The following MCC variants were observed in gnomAD, a reference collection of about 807,000 sequenced individuals.
MCC encodes the protein MCC regulator of Wnt signaling pathway.
MCC carries 90 observed loss-of-function variants against 116.2 expected under a neutral mutation model. The observed-to-expected ratio is 0.77, with a 90% confidence interval of 0.65 to 0.92. The LOEUF is 0.92. Ranked by LOEUF, MCC falls within the 40% of genes least tolerant of loss-of-function variation. The pLI is 0.00. For missense variants in MCC, 1,516 were observed against 1,312.2 expected (o/e 1.16, Z -2.40); for synonymous variants, 578 against 510.5 (o/e 1.13, Z -1.78).
At chr5:113,109,169 T>C (rs1023310068) in intron 6 of MCC, among the ~76,000 whole-genome samples, 5 of 152,186 alleles carry the variant, frequency 3.3e-5, no homozygotes, top group African/African-American at 7.2e-5. Flanking sequence ...GGTAATTCTA[T>C]GTTTAACAAA....
At chr5:113,203,011 A>G (rs1280756973) in intron 3 of MCC, among the ~76,000 whole-genome samples, 2 of 152,088 alleles carry the variant, frequency 1.3e-5, no homozygotes, top group Non-Finnish European at 2.9e-5. Context: ...TCCCTTTCAG[A>G]ACTTCTGAGC....
At chr5:113,096,369 C>A (rs146115846) in intron 8 of MCC, among the ~76,000 whole-genome samples, 20 of 152,338 alleles carry the variant, frequency 1.3e-4, no homozygotes, top group South Asian at 2.1e-4. Context: ...TTTACTGACT[C>A]TGGCTCATGG....
chr5:113,438,652 T>C (rs895288307), intron 1 of MCC, among the ~76,000 whole-genome samples: 4 of 152,146 alleles, frequency 2.6e-5, no homozygotes, highest in African/African-American at 9.7e-5. Flanking sequence ...CAGTATAATA[T>C]AGATCTATTA....
At chr5:113,147,584 C>G (rs1259648367) in intron 4 of MCC, among the ~76,000 whole-genome samples, 4 of 152,192 alleles carry the variant, frequency 2.6e-5, no homozygotes, top group Non-Finnish European at 5.9e-5. Context: ...TTAAAATATG[C>G]TAACAAGAGA....
intron 3 of MCC, among the ~76,000 whole-genome samples, chr5:113,181,972 G>A (rs1239353003): frequency 6.6e-6 from 1 of 152,064 alleles, no homozygotes; most frequent in Non-Finnish European, 1.5e-5. Context: ...AGCATCACTT[G>A]TTCCTTCCCA....
intron 5 of MCC, among the ~76,000 whole-genome samples, chr5:113,127,842 C>T (rs1404282677): frequency 1.3e-5 from 2 of 152,094 alleles, no homozygotes; most frequent in African/African-American, 4.8e-5. Flanking sequence ...AGCTCTTAAG[C>T]TTCATTAGAA....
chr5:113,488,096 G>A, intron 1 of MCC, 149 bp downstream of exon 1: 2 of 793,712 alleles, frequency 2.5e-6, no homozygotes, highest in South Asian at 2.3e-5. Flanking sequence ...TGGCCGAGCC[G>A]GCTACGCGCT....
intron 3 of MCC, among the ~76,000 whole-genome samples, chr5:113,284,830 A>G (rs1766181898): frequency 6.6e-6 from 1 of 152,260 alleles, no homozygotes. Flanking sequence ...TATATTTGTT[A>G]TAAATCAATA....
rs544357850 is a variant in MCC, at chr5:113,273,619, G to A, written c.627+66900C>T. Among the ~76,000 whole-genome samples the A allele has an allele frequency of 5.3e-5, 8 of 152,298 alleles. No homozygotes were observed. In the South Asian group the frequency reaches 1.7e-3, roughly 32 times the overall value. On this transcript the variant is annotated intron_variant, in intron 3 of 18. Transcript: ENST00000408903. ...CACATTTTAAAGAATTTAGATGTGT[G>A]TGTGTAGAGACTAAATGCAATACAA...
At chr5:113,034,957 C>G (rs1291060600) in intron 17 of MCC, among the ~76,000 whole-genome samples, 2 of 152,214 alleles carry the variant, frequency 1.3e-5, no homozygotes, top group Non-Finnish European at 2.9e-5. Context: ...TGGGCCTGGC[C>G]TGTATTTTAT....
Position 113,340,527 on chromosome 5 carries a change from C to T in MCC, c.619G>A (p.Ala207Thr). The change falls in exon 3 of 19, where the codon GCC becomes ACC. Residue 207 changes from alanine to threonine, a missense_variant. Physicochemically the swap from Ala to Thr is moderately conservative, Grantham distance 58 (BLOSUM62 0). Transcript: ENST00000408903. ...NSVGGSYLEL[A>T]NTLHSAALAS... ...AACCAAAAAGTACTCACTGTGTTGG[C>T]CAGCTCTAGATAGCTTCCTCCTACA... is the stretch of plus-strand genomic sequence containing the variant. 1 of 1,614,066 alleles carries T rather than the reference C, an allele frequency of 6.2e-7. No homozygotes were observed. Among genetic ancestry groups the T allele is most frequent in the Non-Finnish European group, 8.5e-7 (1 of 1,179,960 alleles).
intron 5 of MCC, among the ~76,000 whole-genome samples, chr5:113,128,738 G>C (rs141349946): frequency 1.3e-5 from 2 of 152,256 alleles, no homozygotes; most frequent in African/African-American, 4.8e-5. Flanking sequence ...AGGAAAACAG[G>C]GAGAGAGAAA....
intron 3 of MCC, among the ~76,000 whole-genome samples, chr5:113,240,478 A>G (rs554846199): frequency 4.7e-4 from 72 of 152,170 alleles, no homozygotes; most frequent in Non-Finnish European, 9.4e-4. Context: ...ACATCTTTCA[A>G]CTGAACAGGA....
chr5:113,425,756 T>C (rs1337095845), intron 1 of MCC, among the ~76,000 whole-genome samples: 3 of 151,936 alleles, frequency 2.0e-5, no homozygotes. Context: ...TGGCCTAGGG[T>C]AGGTGGACAG....
chr5:113,445,628 G>T (rs1326298660), intron 1 of MCC, among the ~76,000 whole-genome samples: 3 of 152,148 alleles, frequency 2.0e-5, no homozygotes, highest in Non-Finnish European at 4.4e-5. Context: ...CATGCTCATG[G>T]ATTGGAAAAA....
intron 3 of MCC, among the ~76,000 whole-genome samples, chr5:113,250,394 A>C (rs1178099877): frequency 2.6e-5 from 4 of 152,250 alleles, no homozygotes; most frequent in African/African-American, 9.6e-5. Flanking sequence ...AGATGTAGGA[A>C]AAACTTGCTC....
chr5:113,472,913 G>C (rs1434958015), intron 1 of MCC, among the ~76,000 whole-genome samples: 1 of 152,136 alleles, frequency 6.6e-6, no homozygotes, highest in African/African-American at 2.4e-5. Flanking sequence ...TCTTAAGGTA[G>C]TATTAAACTA....
intron 3 of MCC, among the ~76,000 whole-genome samples, chr5:113,246,289 C>A (rs1764572242): frequency 6.6e-6 from 1 of 152,190 alleles, no homozygotes; most frequent in Non-Finnish European, 1.5e-5. Flanking sequence ...TCCCTACCCA[C>A]TGAAATATTT....
Position 113,432,711 on chromosome 5 carries a change from C to G in MCC, c.171-47499G>C, listed in dbSNP as rs895993146. On this transcript the variant is annotated intron_variant, in intron 1 of 18. Transcript: ENST00000408903. ...ACATTGTTTCCAGTATTAGCTGATT[C>G]GTTTGTCCATTAATTGGATATTAGC... 7 of 152,046 alleles carry G rather than the reference C, an allele frequency of 4.6e-5. No homozygotes were observed. The East Asian group carries it at 1.2e-3, about 25-fold the overall frequency. 9.4% of individuals were successfully genotyped at this position (152,046 alleles called of 1,614,324 possible).
Sources: gnomAD v4.1 joint callset for allele counts (sites outside exome capture counted in the v4.1 genomes callset) on GRCh38, gnomAD v4.1.1 for gene constraint, MANE v1.5 for transcripts, NCBI Gene and HGNC (gene_info 2026-07-23, HGNC 2026-07-21) for gene names.